The following PCDH9 variants were observed in gnomAD, a reference collection of about 807,000 sequenced individuals.
PCDH9 encodes protocadherin 9.
Under a neutral mutation model 70.6 loss-of-function variants are expected in PCDH9, and 24 were observed. The ratio of observed to expected loss-of-function variants is 0.34; its 90% CI spans 0.25 to 0.48. The LOEUF (loss-of-function observed/expected upper bound fraction) is 0.48, where lower values mean the gene tolerates loss of function less well. Among genes scored for constraint, PCDH9 ranks in the 20% least tolerant of loss-of-function variants. The pLI, the probability that PCDH9 is intolerant of heterozygous loss-of-function variation, is 0.99. For synonymous variants in PCDH9, 562 were observed against 558.5 expected (o/e 1.01, Z -0.09); for missense variants, 1,281 against 1,503.6 (o/e 0.85, Z 2.45).
intron 2 of PCDH9, among the ~76,000 whole-genome samples, chr13:66,934,809 C>T (rs1475779772): frequency 2.1e-5 from 3 of 142,436 alleles, no homozygotes; most frequent in Non-Finnish European, 3.0e-5. Flanking sequence ...CAAGCTCCGC[C>T]TCCCGGGTTC....
chr13:66,721,018 C>T (rs9571636), intron 3 of PCDH9, among the ~76,000 whole-genome samples: 3 of 151,892 alleles, frequency 2.0e-5, no homozygotes, highest in Non-Finnish European at 4.4e-5. Flanking sequence ...CTGTTATACA[C>T]GTAAAAAATA....
At chr13:66,468,812 T>C (rs951934281) in intron 4 of PCDH9, among the ~76,000 whole-genome samples, 6 of 152,106 alleles carry the variant, frequency 3.9e-5, no homozygotes, top group African/African-American at 1.2e-4. Flanking sequence ...ATCTTTTTTA[T>C]AGAGAAACTT....
intron 2 of PCDH9, among the ~76,000 whole-genome samples, chr13:67,020,546 G>A (rs1442272016): frequency 6.6e-6 from 1 of 151,946 alleles, no homozygotes; most frequent in East Asian, 1.9e-4. Flanking sequence ...CAAACTGATT[G>A]CAAAGGAAAA....
At chr13:67,204,114 C>T (rs1297658234) in intron 2 of PCDH9, 1 of 152,000 alleles carries the variant, frequency 6.6e-6, no homozygotes, top group African/African-American at 2.4e-5. Context: ...TGCATCTAAT[C>T]TGTTTTTCTT....
intron 4 of PCDH9, among the ~76,000 whole-genome samples, chr13:66,390,428 T>C (rs1566289346): frequency 6.6e-6 from 1 of 152,098 alleles, no homozygotes; most frequent in Non-Finnish European, 1.5e-5. Flanking sequence ...ATAGGACAGC[T>C]AGAGGTTTTG....
At chr13:66,568,297 C>T (rs999738080) in intron 4 of PCDH9, among the ~76,000 whole-genome samples, 1 of 152,060 alleles carries the variant, frequency 6.6e-6, no homozygotes, top group African/African-American at 2.4e-5. Context: ...TCCCAAACTT[C>T]CAAACTGTGA....
At chr13:66,396,376 C>A (rs371585646) in intron 4 of PCDH9, among the ~76,000 whole-genome samples, 2 of 152,112 alleles carry the variant, frequency 1.3e-5, no homozygotes, top group Admixed American at 1.3e-4. Context: ...TAGCTTCTCC[C>A]GAATAGGTGA....
chr13:66,737,519 C>T (rs1007730949), intron 3 of PCDH9, among the ~76,000 whole-genome samples: 71 of 152,136 alleles, frequency 4.7e-4, no homozygotes, highest in Admixed American at 2.2e-3. Context: ...GGAACAGCTC[C>T]GGTCTACAGC....
intron 3 of PCDH9, among the ~76,000 whole-genome samples, chr13:66,734,341 G>C (rs1363714273): frequency 6.6e-6 from 1 of 152,112 alleles, no homozygotes; most frequent in African/African-American, 2.4e-5. Context: ...TTTAAGTTTG[G>C]AGCTTTTCTA....
chr13:67,162,531 C>A (rs1048586195), intron 2 of PCDH9, among the ~76,000 whole-genome samples: 1 of 152,152 alleles, frequency 6.6e-6, no homozygotes, highest in Non-Finnish European at 1.5e-5. Flanking sequence ...CATCAAAAGC[C>A]TTTCCTATCT....
intron 3 of PCDH9, among the ~76,000 whole-genome samples, chr13:66,778,199 G>C (rs1404169362): frequency 6.6e-6 from 1 of 151,768 alleles, no homozygotes; most frequent in African/African-American, 2.4e-5. Flanking sequence ...AAGTTAATGG[G>C]TGTAGCACAC....
chr13:66,901,475 T>C (rs998844378), intron 3 of PCDH9, among the ~76,000 whole-genome samples: 4 of 151,722 alleles, frequency 2.6e-5, no homozygotes, highest in Non-Finnish European at 5.9e-5. Context: ...TTCAAAACCA[T>C]TCAGAGAAAA....
intron 3 of PCDH9, among the ~76,000 whole-genome samples, chr13:66,691,778 T>C (rs181835044): frequency 6.6e-6 from 1 of 152,294 alleles, no homozygotes; most frequent in East Asian, 1.9e-4. Context: ...TAAAACTGTA[T>C]TGAATACCAA....
chr13:66,865,240 G>T (rs2081553148), intron 3 of PCDH9, among the ~76,000 whole-genome samples: 1 of 152,190 alleles, frequency 6.6e-6, no homozygotes, highest in East Asian at 1.9e-4. Context: ...ATTAAAATCC[G>T]TTGTACTCAT....
At chr13:66,788,063 AT>A (rs1231699267) in intron 3 of PCDH9, among the ~76,000 whole-genome samples, 2 of 152,188 alleles carry the variant, frequency 1.3e-5, no homozygotes, top group Non-Finnish European at 2.9e-5. Flanking sequence ...AAGTGTCTTC[AT>A]CCACTTTGTG....
intron 2 of PCDH9, among the ~76,000 whole-genome samples, chr13:67,114,322 T>C (rs1262100229): frequency 6.6e-6 from 1 of 152,180 alleles, no homozygotes; most frequent in Non-Finnish European, 1.5e-5. Flanking sequence ...ATGAAAAGAA[T>C]AAGAATCTTT....
Position 66,601,840 on chromosome 13 carries a change from G to T in PCDH9, c.3340+29370C>A, listed in dbSNP as rs148487470. Among the ~76,000 whole-genome samples, 460 of 145,764 alleles carry T rather than the reference G, an allele frequency of 3.2e-3. 30 individuals are homozygous for T. Among genetic ancestry groups the T allele is most frequent in the African/African-American group, 0.011 (442 of 40,496 alleles). ...TGTAAGGCATTACTCATGTGTTTGT[G>T]GTGATGCTGGTGTAAACAAAACTAC... On this transcript the variant is annotated intron_variant, in intron 4 of 4. Transcript: ENST00000377865.
intron 2 of PCDH9, among the ~76,000 whole-genome samples, chr13:67,188,427 G>C (rs181437232): frequency 1.5e-4 from 23 of 152,076 alleles, no homozygotes; most frequent in Admixed American, 1.2e-3. Flanking sequence ...TGAAATCATA[G>C]AAAATAATCT....
chr13:66,478,944 T>C (rs1343600771), intron 4 of PCDH9, among the ~76,000 whole-genome samples: 5 of 152,192 alleles, frequency 3.3e-5, no homozygotes, highest in Non-Finnish European at 7.3e-5. Context: ...CTAGAACTTG[T>C]ATAGTTAGAA....
Sources: gnomAD v4.1 joint callset for allele counts (sites outside exome capture counted in the v4.1 genomes callset) on GRCh38, gnomAD v4.1.1 for gene constraint, MANE v1.5 for transcripts, NCBI Gene and HGNC (gene_info 2026-07-23, HGNC 2026-07-21) for gene names.